The following KCNT2 variants were observed in gnomAD, a reference collection of about 807,000 sequenced individuals.
KCNT2 encodes the protein potassium sodium-activated channel subfamily T member 2.
Under a neutral mutation model 153.8 loss-of-function variants are expected in KCNT2, and 67 were observed. The observed-to-expected ratio is 0.44, with a 90% CI of 0.36 to 0.53. The LOEUF (loss-of-function observed/expected upper bound fraction) is 0.53, where lower values mean the gene tolerates loss of function less well. Among genes scored for constraint, KCNT2 ranks in the 20% least tolerant of loss-of-function variants. KCNT2 has a pLI of 0.00. For synonymous variants in KCNT2, 500 were observed against 458.8 expected, an observed-to-expected ratio of 1.09 and a Z score of -1.15; for missense variants, 975 against 1,354.8, an observed-to-expected ratio of 0.72 and a Z score of 4.40.
intron 8 of KCNT2, among the ~76,000 whole-genome samples, chr1:196,430,121 T>A (rs998075532): frequency 3.3e-5 from 5 of 152,038 alleles, no homozygotes; most frequent in African/African-American, 1.2e-4. Context: ...TTTTCTTTTT[T>A]TTTATAATTT....
intron 1 of KCNT2, among the ~76,000 whole-genome samples, chr1:196,521,792 T>C (rs1419919151): frequency 6.6e-6 from 1 of 151,902 alleles, no homozygotes; most frequent in African/African-American, 2.4e-5. Context: ...TAGGGCCTAC[T>C]TGAAGGTGAA....
At chr1:196,421,993 A>G (rs988778603) in intron 12 of KCNT2, among the ~76,000 whole-genome samples, 2 of 152,064 alleles carry the variant, frequency 1.3e-5, no homozygotes, top group African/African-American at 4.8e-5. Context: ...CTCATTATAA[A>G]TTTATTACTT....
chr1:196,361,596 G>A (rs1190643541), intron 14 of KCNT2, among the ~76,000 whole-genome samples: 2 of 152,006 alleles, frequency 1.3e-5, no homozygotes, highest in Admixed American at 6.6e-5. Flanking sequence ...AAGTTTATGA[G>A]ACCAGAATGA....
intron 14 of KCNT2, among the ~76,000 whole-genome samples, chr1:196,345,548 T>C (rs1417037315): frequency 3.3e-5 from 5 of 152,146 alleles, no homozygotes; most frequent in East Asian, 1.9e-4. Context: ...TGACCTTTCA[T>C]TGGGATGACT....
chr1:196,346,406 A>G (rs961055460), intron 14 of KCNT2, among the ~76,000 whole-genome samples: 3 of 152,022 alleles, frequency 2.0e-5, no homozygotes, highest in African/African-American at 7.2e-5. Context: ...CTATCTTTTT[A>G]CTCACTAATT....
At chr1:196,348,336 G>A (rs1025576601) in intron 14 of KCNT2, among the ~76,000 whole-genome samples, 13 of 152,032 alleles carry the variant, frequency 8.6e-5, no homozygotes, top group East Asian at 1.9e-4. Flanking sequence ...GACAAAAAGC[G>A]TAGAGTGGGA....
At chr1:196,435,741 T>C (rs1471828426) in intron 8 of KCNT2, among the ~76,000 whole-genome samples, 1 of 151,770 alleles carries the variant, frequency 6.6e-6, no homozygotes, top group Non-Finnish European at 1.5e-5. Flanking sequence ...GGCTATGTTT[T>C]ATGGAAGAAA....
chr1:196,234,344 A>AT (rs898988011), intron 27 of KCNT2, among the ~76,000 whole-genome samples: 246 of 148,436 alleles, frequency 1.7e-3, no homozygotes, highest in Admixed American at 4.7e-3. Flanking sequence ...ATGAAACAAC[A>AT]TTTTTTTTTT....
intron 18 of KCNT2, among the ~76,000 whole-genome samples, 167 bp from the exon 19 acceptor site, chr1:196,327,056 A>T (rs1047197245): frequency 6.6e-6 from 1 of 152,158 alleles, no homozygotes; most frequent in Non-Finnish European, 1.5e-5. Flanking sequence ...TGCAACCTGC[A>T]GTAAGAAATA....
At chr1:196,269,057 C>T (rs540324122) in intron 25 of KCNT2, among the ~76,000 whole-genome samples, 66 of 152,098 alleles carry the variant, frequency 4.3e-4, no homozygotes, top group Admixed American at 2.7e-3. Context: ...AAATCAAAGG[C>T]GTACAATCAT....
At chr1:196,359,870 G>C (rs1413463019) in intron 14 of KCNT2, among the ~76,000 whole-genome samples, 2 of 151,830 alleles carry the variant, frequency 1.3e-5, no homozygotes, top group Non-Finnish European at 2.9e-5. Context: ...ATATATAAGA[G>C]AATCAAGAGA....
At chr1:196,484,339 T>C (rs1439210111) in intron 3 of KCNT2, among the ~76,000 whole-genome samples, 2 of 152,128 alleles carry the variant, frequency 1.3e-5, no homozygotes, top group Non-Finnish European at 2.9e-5. Flanking sequence ...GAGAATTGTA[T>C]GTTCATAAAC....
chr1:196,573,884 G>A (rs1343967749), intron 1 of KCNT2, among the ~76,000 whole-genome samples: 1 of 151,670 alleles, frequency 6.6e-6, no homozygotes, highest in Non-Finnish European at 1.5e-5. Context: ...TCACTTAGAG[G>A]ACTGCAAATA....
intron 1 of KCNT2, among the ~76,000 whole-genome samples, chr1:196,560,902 T>A (rs973772007): frequency 3.3e-5 from 5 of 152,018 alleles, no homozygotes; most frequent in Admixed American, 6.6e-5. Flanking sequence ...ATAGATTGCC[T>A]GTGATGTGTA....
intron 13 of KCNT2, among the ~76,000 whole-genome samples, chr1:196,389,466 C>A (rs1670283622): frequency 1.3e-5 from 2 of 151,584 alleles, no homozygotes. Flanking sequence ...TATGTCTAGT[C>A]ATTTCAATTG....
chr1:196,480,672 G>T (rs1337552531), intron 4 of KCNT2, among the ~76,000 whole-genome samples: 1 of 151,716 alleles, frequency 6.6e-6, no homozygotes, highest in African/African-American at 2.4e-5. Flanking sequence ...TGGCTAACAC[G>T]GTGAAACCCC....
At chr1:196,433,974 C>CT (rs1674390382) in intron 8 of KCNT2, among the ~76,000 whole-genome samples, 1 of 151,756 alleles carries the variant, frequency 6.6e-6, no homozygotes. Context: ...TTTCCTTTTT[C>CT]TTTTTTCACT....
rs78548337 is a variant in KCNT2, at chr1:196,527,948, C to T, written c.96-35607G>A. Among the ~76,000 whole-genome samples, 6 of 152,274 alleles carry T rather than the reference C, an allele frequency of 3.9e-5. No individual in the cohort carries two copies. In the East Asian group the frequency reaches 1.2e-3, roughly 29 times the overall value. On this transcript the variant is annotated intron_variant, in intron 1 of 27. Transcript: ENST00000294725. ...CAACTTTCTAGCCTCAAATTGCTTT[C>T]AGTTAACTATCTCTAATAAGCATTT...
intron 1 of KCNT2, among the ~76,000 whole-genome samples, chr1:196,544,586 G>T (rs1270121313): frequency 6.6e-6 from 1 of 152,076 alleles, no homozygotes; most frequent in Non-Finnish European, 1.5e-5. Context: ...GCATTTAGAA[G>T]GATGAAAGGG....
Sources: allele counts gnomAD v4.1 joint callset (sites outside exome capture counted in the v4.1 genomes callset), GRCh38; gene constraint gnomAD v4.1.1; transcripts MANE v1.5; gene names NCBI Gene and HGNC (gene_info 2026-07-23, HGNC 2026-07-21).